CYP2S1: variants seen among roughly 807,000 people sequenced by gnomAD.
CYP2S1 encodes the protein cytochrome P450 2S1.
In CYP2S1, 32 loss-of-function variants were observed where a neutral mutation model predicts 43.5. The ratio of observed to expected loss-of-function variants is 0.74; its 90% CI spans 0.56 to 0.99. The LOEUF (loss-of-function observed/expected upper bound fraction) is 0.99. Among genes scored for constraint, CYP2S1 ranks in the 50% least tolerant of loss-of-function variants. CYP2S1 has a pLI of 0.00. For synonymous variants in CYP2S1, 283 were observed against 302.9 expected (o/e 0.93, Z 0.68); for missense variants, 575 against 673.9 (o/e 0.85, Z 1.62).
intron 5 of CYP2S1, among the ~76,000 whole-genome samples, chr19:41,199,997 A>G (rs1349332686): frequency 6.6e-6 from 1 of 151,802 alleles, no homozygotes; most frequent in Non-Finnish European, 1.5e-5. Context: ...AAAAAAAGAA[A>G]AAAGACACCA....
intron 6 of CYP2S1, among the ~76,000 whole-genome samples, chr19:41,202,764 C>A (rs1012795865): frequency 2.6e-5 from 4 of 151,200 alleles, no homozygotes; most frequent in African/African-American, 9.7e-5. Context: ...TACTACTGCA[C>A]CAGCCTGGGC....
In CYP2S1 at chr19:41,198,808, G is replaced by A; in HGVS notation, c.754G>A (p.Val252Met). Residue 252 changes from valine to methionine, a missense_variant, in exon 5 of 9, where the codon GTG becomes ATG. Around this residue, in one of 2 missense-constraint regions of CYP2S1, gnomAD observed 353 missense variants for 367.6 expected, o/e 0.96. Transcript: ENST00000310054. This position sits in a 1 kb window ranked among gnomAD's most constrained non-coding sequence, Gnocchi z 4.9. ...CTTGGCTGCCTTCACAGTCCGGCAG[G>A]TGCAGCAGCACCAGGGGAACCTGGA... Reference protein sequence around the residue: ...STLAAFTVRQVQQHQGNLDAS... With the variant: ...STLAAFTVRQMQQHQGNLDAS... 1.2e-6 allele frequency: 2 copies of A among 1,614,208 alleles called. No homozygotes were observed. The highest frequency in any genetic ancestry group is 1.7e-6 in the Non-Finnish European group (2 of 1,180,034).
intron 6 of CYP2S1, among the ~76,000 whole-genome samples, chr19:41,202,632 A>G (rs536874469): frequency 6.6e-6 from 1 of 151,610 alleles, no homozygotes; most frequent in South Asian, 2.1e-4. Flanking sequence ...TCTACCGAAA[A>G]TAGAAAAATT....
chr19:41,205,416 CTT>C (rs1265677360), intron 7 of CYP2S1, among the ~76,000 whole-genome samples: 1 of 57,596 alleles, frequency 1.7e-5, no homozygotes, highest in South Asian at 4.6e-4. Context: ...TTCTTTCTTT[CTT>C]TCTCTCTCTC....
At chr19:41,196,138 C>T (rs372037465) in intron 2 of CYP2S1, among the ~76,000 whole-genome samples, 7 of 151,846 alleles carry the variant, frequency 4.6e-5, no homozygotes, top group African/African-American at 7.3e-5. Flanking sequence ...ACATTTAAGC[C>T]GGGACATGAA....
Position 41,198,909 on chromosome 19 carries a change from C to G in CYP2S1, c.834+21C>G. On this transcript the variant is annotated intron_variant, in intron 5 of 8. Transcript: ENST00000310054. The surrounding 1 kb of genome is among the most constrained non-coding windows in gnomAD (Gnocchi z 4.9). ...CACAGGTGTGGGAAGGGTGCAGGGACCCCCTCTCTGAATGGGCGTGGTGAC... is the reference window on the plus strand; with the variant it reads ...CACAGGTGTGGGAAGGGTGCAGGGAGCCCCTCTCTGAATGGGCGTGGTGAC... The G allele has an allele frequency of 6.3e-7, 1 of 1,590,892 alleles. No individual in the cohort carries two copies. Among genetic ancestry groups the G allele is most frequent in the South Asian group, 1.1e-5 (1 of 89,640 alleles).
In CYP2S1 at chr19:41,206,261, C is replaced by G. The variant is rs2033576356; in HGVS notation, c.1307-19C>G. The stretch of plus-strand genomic sequence containing the variant: ...GAGGAATACTGACTCAGCCCTCTCT[C>G]TCTCTCTCTCCTCACCAGGGAAGCG... On this transcript the variant is annotated intron_variant, in intron 8 of 8. Transcript: ENST00000310054. 3 of 1,613,666 alleles carry G rather than the reference C, an allele frequency of 1.9e-6. No homozygotes were observed. In the Admixed American group the frequency reaches 5.0e-5, roughly 27 times the overall value.
At chr19:41,199,683 G>T (rs779346802) in intron 5 of CYP2S1, among the ~76,000 whole-genome samples, 1 of 152,086 alleles carries the variant, frequency 6.6e-6, no homozygotes, top group Non-Finnish European at 1.5e-5. Context: ...CATCATGCCC[G>T]GTCGGGCACA....
At chr19:41,193,672 G>A (rs1339324557) in intron 1 of CYP2S1, 2 of 803,368 alleles carry the variant, frequency 2.5e-6, no homozygotes, top group African/African-American at 3.6e-5. Context: ...CCAGGGCTAG[G>A]AGGGGCAGAG....
At chr19:41,195,408 G>A (rs1484201496) in intron 2 of CYP2S1, among the ~76,000 whole-genome samples, 1 of 152,150 alleles carries the variant, frequency 6.6e-6, no homozygotes, top group African/African-American at 2.4e-5. Context: ...CAGCACCGGT[G>A]CTGCTTCCCC....
At position 41,198,835 on chromosome 19, in the gene CYP2S1, G is replaced by C. The variant is rs1317286527; in HGVS notation, c.781G>C (p.Ala261Pro). 1 of 1,614,198 alleles carries C rather than the reference G, an allele frequency of 6.2e-7. No individual in the cohort carries two copies. The highest frequency in any genetic ancestry group is 8.5e-7 in the Non-Finnish European group (1 of 1,180,030). ...GCAGCAGCACCAGGGGAACCTGGATGCTTCGGGCCCCGCACGTGACCTTGT... is the reference window on the plus strand; with the variant it reads ...GCAGCAGCACCAGGGGAACCTGGATCCTTCGGGCCCCGCACGTGACCTTGT... ...QVQQHQGNLD[A>P]SGPARDLVDA... The change falls in exon 5 of 9, where the codon GCT becomes CCT. Residue 261 changes from alanine to proline, a missense_variant. Ala to Pro is a conservative substitution (Grantham distance 27). Around this residue, in one of 2 missense-constraint regions of CYP2S1, gnomAD observed 353 missense variants for 367.6 expected, o/e 0.96. Transcript: ENST00000310054. The surrounding 1 kb of genome is among the most constrained non-coding windows in gnomAD (Gnocchi z 4.9).
At chr19:41,193,550 AG>A (rs764485658) in intron 1 of CYP2S1, 109 bp downstream of exon 1, 2 of 1,356,992 alleles carry the variant, frequency 1.5e-6, no homozygotes, top group Non-Finnish European at 1.9e-6. Flanking sequence ...AGGCAGGGGC[AG>A]GGGTCCCAAG....
At chr19:41,200,790 T>C (rs111317971) in intron 5 of CYP2S1, among the ~76,000 whole-genome samples, 3,287 of 152,262 alleles carry the variant, frequency 0.022, 102 homozygotes, top group African/African-American at 0.071. Context: ...GTGGAGACTT[T>C]GAAACCCATG....
intron 7 of CYP2S1, among the ~76,000 whole-genome samples, chr19:41,205,588 C>G (rs1369393140): frequency 1.3e-5 from 2 of 151,756 alleles, no homozygotes; most frequent in African/African-American, 2.4e-5. Flanking sequence ...GTGGTACAAG[C>G]ATAGCTCACA....
chr19:41,200,046 GAAAT>G (rs1487893488), intron 5 of CYP2S1, among the ~76,000 whole-genome samples: 1 of 151,870 alleles, frequency 6.6e-6, no homozygotes, highest in Non-Finnish European at 1.5e-5. Flanking sequence ...GACTCCTAAG[GAAAT>G]AAATAGTTTT....
rs373140852 is a variant in CYP2S1 at position 41,197,964 on chromosome 19, G to A, written c.493+36G>A. The A allele has an allele frequency of 2.0e-4, 313 of 1,575,384 alleles. 1 individual carries two copies. The highest frequency in any genetic ancestry group is 1.2e-3 in the Admixed American group (61 of 50,562). ...CGGGGTCACCCCAGGGTCTCCAGCC[G>A]AGTGAAAGGGAAAACTCTCCTACTG... On this transcript the variant is annotated intron_variant, in intron 3 of 8. Transcript: ENST00000310054.
Position 41,207,074 on chromosome 19 carries a change from A to G in CYP2S1, c.*586A>G. 3 of 334,912 alleles carry G rather than the reference A, an allele frequency of 9.0e-6. 1 individual carries two copies. Among genetic ancestry groups the G allele is most frequent in the South Asian group, 7.2e-5 (3 of 41,556 alleles). The allele number at this position is 334,912 out of a possible 1,614,324, so 20.7% of individuals were successfully genotyped here. A position where few individuals can be genotyped will look rare whatever the true frequency, so the allele number is the denominator to read the frequency against. On this transcript the variant is annotated 3_prime_UTR_variant, in exon 9 of 9. Transcript: ENST00000310054. ...CCCCCAACCACTTGTCCACACAGCTACCCACGTACGACATCGTCCTGGCTC... is the reference window on the plus strand; with the variant it reads ...CCCCCAACCACTTGTCCACACAGCTGCCCACGTACGACATCGTCCTGGCTC...
chr19:41,200,593 C>CA (rs1479096737), intron 5 of CYP2S1, among the ~76,000 whole-genome samples: 14 of 152,118 alleles, frequency 9.2e-5, no homozygotes, highest in Admixed American at 9.2e-4. Context: ...AGGCTGATCT[C>CA]AAACTCCTGG....
chr19:41,202,262 A>G (rs1299329817), intron 6 of CYP2S1, among the ~76,000 whole-genome samples: 5 of 152,150 alleles, frequency 3.3e-5, no homozygotes, highest in Non-Finnish European at 7.3e-5. Context: ...TGCTGGGATT[A>G]CAGGCATGAG....
Sources: allele counts gnomAD v4.1 joint callset (sites outside exome capture counted in the v4.1 genomes callset), GRCh38; gene constraint gnomAD v4.1.1; regional missense constraint gnomAD v4.1.1; non-coding constraint Gnocchi (gnomAD v3.1); transcripts MANE v1.5; gene names NCBI Gene and HGNC (gene_info 2026-07-23, HGNC 2026-07-21).